The following DUSP22 variants were observed in gnomAD, a reference collection of about 807,000 sequenced individuals.
DUSP22 encodes the protein dual specificity protein phosphatase 22.
In DUSP22, 24 loss-of-function variants were observed where a neutral mutation model predicts 24.5. The ratio of observed to expected loss-of-function variants is 0.98; its 90% CI spans 0.71 to 1.38. The LOEUF is 1.38. Among genes scored for constraint, DUSP22 ranks in the 40% most tolerant of loss-of-function variants. DUSP22 has a pLI of 0.00. For synonymous variants in DUSP22, 160 were observed against 106.4 expected (o/e 1.50, Z -3.10); for missense variants, 330 against 269.2 (o/e 1.23, Z -1.58).
chr6:349,169 G>A lies in DUSP22; in HGVS notation c.*218G>A. The A allele has an allele frequency of 7.0e-7, 1 of 1,428,772 alleles. No individual in the cohort carries two copies. The highest frequency in any genetic ancestry group is 1.4e-5 in the African/African-American group (1 of 69,746). 88.5% of individuals were successfully genotyped at this position (1,428,772 alleles called of 1,614,324 possible). On this transcript the variant is annotated 3_prime_UTR_variant, in exon 7 of 7. Coordinates refer to ENST00000419235, the MANE Select transcript of DUSP22 (RefSeq NM_001286555.3). ...CTGCACCTGAGCTTGCTGCCCCTGG[G>A]GATGTTGCCCAGTGGCTGTGCACTG...
chr6:337,798 C>T (rs553786607), intron 4 of DUSP22, among the ~76,000 whole-genome samples: 27 of 152,420 alleles, frequency 1.8e-4, no homozygotes, highest in African/African-American at 6.5e-4. Context: ...TTAGTTCTCT[C>T]CTATCCCAAA....
At chr6:335,326 G>C (rs1759314777) in intron 4 of DUSP22, among the ~76,000 whole-genome samples, 163 bp downstream of exon 4, 1 of 152,308 alleles carries the variant, frequency 6.6e-6, no homozygotes, top group African/African-American at 2.4e-5. Flanking sequence ...CGCTAGGCAG[G>C]CTGGGATGAG....
chr6:314,060 G>A (rs563626008), intron 3 of DUSP22, among the ~76,000 whole-genome samples: 884 of 152,046 alleles, frequency 5.8e-3, no homozygotes, highest in African/African-American at 0.02. Context: ...ATTAGCGGAC[G>A]GGTTTGGTGC....
rs571486218 is a variant in DUSP22, at chr6:344,094, G to A, written c.189-1760G>A. 1.5e-4 allele frequency among the ~76,000 whole-genome samples: 23 copies of A among 152,414 alleles called. No individual in the cohort carries two copies. The East Asian group carries it at 4.4e-3, about 29-fold the overall frequency. ...GGCAGGGGACACACATGCTGGTTGG[G>A]AGCGCACCACAGTGGGGCTCGAGTC... On this transcript the variant is annotated intron_variant, in intron 4 of 6. Coordinates refer to ENST00000419235, the MANE Select transcript of DUSP22 (RefSeq NM_001286555.3).
chr6:350,239 A>T lies in DUSP22; in HGVS notation c.*1288A>T. 1.0e-6 allele frequency: 1 copy of T among 988,358 alleles called. No homozygotes were observed. Among genetic ancestry groups the T allele is most frequent in the Non-Finnish European group, 1.2e-6 (1 of 832,016 alleles). 61.2% of individuals were successfully genotyped at this position (988,358 alleles called of 1,614,324 possible). A position where few individuals can be genotyped will look rare whatever the true frequency, so the allele number is the denominator to read the frequency against. On this transcript the variant is annotated 3_prime_UTR_variant, in exon 7 of 7. Transcript: ENST00000419235. Reference sequence around the variant, plus strand: ...ATTTAAAGTTGCCAGTTTGGGCTCCAGTAATGCTTTCTGGTGGGTAAAATT... The same window carrying T: ...ATTTAAAGTTGCCAGTTTGGGCTCCTGTAATGCTTTCTGGTGGGTAAAATT...
Position 350,884 on chromosome 6 carries a change from T to C in DUSP22, c.*1933T>C. 6.2e-7 allele frequency: 1 copy of C among 1,614,174 alleles called. No homozygotes were observed. Among genetic ancestry groups the C allele is most frequent in the South Asian group, 1.1e-5 (1 of 91,072 alleles). On this transcript the variant is annotated 3_prime_UTR_variant, in exon 7 of 7. Coordinates refer to ENST00000419235, the MANE Select transcript of DUSP22 (RefSeq NM_001286555.3). ...AAGACTGTAATGTACCTGAAGTTTC[T>C]GAAATATTGCAAACCCACAGAGTTT...
intron 3 of DUSP22, among the ~76,000 whole-genome samples, chr6:332,260 T>C (rs1252945219): frequency 2.0e-5 from 3 of 152,308 alleles, no homozygotes; most frequent in Non-Finnish European, 2.9e-5. Context: ...CAGCAGGTGG[T>C]CCCCAAATTG....
intron 2 of DUSP22, among the ~76,000 whole-genome samples, chr6:310,195 A>C (rs1375732390): frequency 1.3e-5 from 2 of 152,420 alleles, no homozygotes; most frequent in East Asian, 3.9e-4. Flanking sequence ...TCCTGACCTC[A>C]GGTGATTGGC....
At chr6:330,363 A>G (rs1304430765) in intron 3 of DUSP22, among the ~76,000 whole-genome samples, 3 of 152,300 alleles carry the variant, frequency 2.0e-5, no homozygotes, top group Non-Finnish European at 4.4e-5. Flanking sequence ...GGAGAGAGAC[A>G]TGGCTTCTGA....
At chr6:328,554 A>G in intron 3 of DUSP22, among the ~76,000 whole-genome samples, 1 of 152,420 alleles carries the variant, frequency 6.6e-6, no homozygotes, top group Middle Eastern at 3.4e-3. Context: ...CAGAGGCTAA[A>G]TCTTGTCTCT....
chr6:338,490 A>G (rs1406914093), intron 4 of DUSP22, among the ~76,000 whole-genome samples: 3 of 152,302 alleles, frequency 2.0e-5, no homozygotes, highest in African/African-American at 7.2e-5. Context: ...GGTGCTGACA[A>G]TCAACTTTTG....
intron 3 of DUSP22, among the ~76,000 whole-genome samples, chr6:328,963 C>T (rs1759014053): frequency 6.6e-6 from 1 of 152,304 alleles, no homozygotes; most frequent in African/African-American, 2.4e-5. Flanking sequence ...TCCCTTTAAC[C>T]TTACATAATT....
chr6:330,240 C>T (rs1046397067), intron 3 of DUSP22, among the ~76,000 whole-genome samples: 2 of 152,296 alleles, frequency 1.3e-5, no homozygotes, highest in Admixed American at 6.5e-5. Context: ...GTTTCCATTG[C>T]GTGGTTTCCT....
At chr6:330,015 G>T (rs941190103) in intron 3 of DUSP22, among the ~76,000 whole-genome samples, 1 of 152,296 alleles carries the variant, frequency 6.6e-6, no homozygotes, top group Non-Finnish European at 1.5e-5. Flanking sequence ...TTGTGGTGGA[G>T]GGTCAGTGTG....
intron 3 of DUSP22, among the ~76,000 whole-genome samples, chr6:312,881 A>C (rs188096042): frequency 2.7e-3 from 412 of 152,236 alleles, no homozygotes; most frequent in Admixed American, 4.7e-3. Context: ...ACATTGTAGT[A>C]CCAGAGAATC....
intron 4 of DUSP22, among the ~76,000 whole-genome samples, chr6:336,768 C>T (rs1289818969): frequency 1.3e-5 from 2 of 152,304 alleles, no homozygotes; most frequent in East Asian, 3.8e-4. Context: ...CACTCTAGGC[C>T]TGGAAGGAGG....
At chr6:341,684 C>G (rs910915083) in intron 4 of DUSP22, among the ~76,000 whole-genome samples, 1 of 152,310 alleles carries the variant, frequency 6.6e-6, no homozygotes, top group African/African-American at 2.4e-5. Context: ...TATCATGATG[C>G]CTGCACAAGG....
intron 2 of DUSP22, among the ~76,000 whole-genome samples, chr6:306,721 T>TG (rs1156254227): frequency 9.4e-4 from 143 of 152,394 alleles, no homozygotes; most frequent in Middle Eastern, 3.4e-3. Flanking sequence ...TGAATTCACT[T>TG]GTTCATTGCA....
At chr6:328,483 C>T (rs910638745) in intron 3 of DUSP22, among the ~76,000 whole-genome samples, 3 of 152,308 alleles carry the variant, frequency 2.0e-5, no homozygotes, top group South Asian at 2.1e-4. Flanking sequence ...TTTTGACTAA[C>T]CTGAAAGAAG....
Sources: allele counts gnomAD v4.1 joint callset (sites outside exome capture counted in the v4.1 genomes callset), GRCh38; gene constraint gnomAD v4.1.1; transcripts MANE v1.5; gene names NCBI Gene and HGNC (gene_info 2026-07-23, HGNC 2026-07-21).